The following PAX2 variants were observed in gnomAD, a reference collection of about 807,000 sequenced individuals.
The protein encoded by PAX2 is paired box 2.
PAX2 carries 9 observed loss-of-function variants against 41.7 expected under a neutral mutation model. The observed-to-expected ratio is 0.22, with a 90% CI of 0.13 to 0.38. PAX2 has a LOEUF of 0.38. Ranked by LOEUF, PAX2 falls within the 10% of genes least tolerant of loss-of-function variation. PAX2 has a pLI of 1.00. For synonymous variants in PAX2, 221 were observed against 212.7 expected, an observed-to-expected ratio of 1.04 and a Z score of -0.34; for missense variants, 418 against 531.6, an observed-to-expected ratio of 0.79 and a Z score of 2.10.
chr10:100,735,520 G>A (rs1325899238), exon 1 of PAX2: 1 of 304,890 alleles, frequency 3.3e-6, no homozygotes, highest in East Asian at 6.0e-5. Flanking sequence ...GGGAGTGAGA[G>A]AGCGGGCGCG....
chr10:100,829,630 G>A lies in PAX2; in HGVS notation c.*2011G>A, dbSNP rs1302273107. The A allele has an allele frequency of 4.9e-6, 1 of 205,360 alleles. No individual in the cohort carries two copies. The highest frequency in any genetic ancestry group is 7.1e-5 in the East Asian group (1 of 14,000). 12.7% of individuals were successfully genotyped at this position (205,360 alleles called of 1,614,324 possible). A position where few individuals can be genotyped will look rare whatever the true frequency, so the allele number is the denominator to read the frequency against. The stretch of plus-strand genomic sequence containing the variant: ...CCTCGCCCAGATCTCTCTCCCCTGC[G>A]AGCCCTTTTTATTTGAGAAGGAAAA... On this transcript the variant is annotated 3_prime_UTR_variant, in exon 10 of 10. Transcript: ENST00000355243.
At chr10:100,776,800 G>T (rs2133888479) in intron 3 of PAX2, among the ~76,000 whole-genome samples, 1 of 152,326 alleles carries the variant, frequency 6.6e-6, no homozygotes. Flanking sequence ...ACAAATCTGA[G>T]TTTGTAAAAC....
upstream of PAX2, among the ~76,000 whole-genome samples, chr10:100,743,620 G>A (rs1845042332): frequency 1.3e-5 from 2 of 152,238 alleles, no homozygotes; most frequent in Non-Finnish European, 2.9e-5. Flanking sequence ...AGCCAAGGCT[G>A]TGCTAGCTAA....
chr10:100,762,480 T>C (rs929131874), intron 3 of PAX2, among the ~76,000 whole-genome samples: 8 of 152,194 alleles, frequency 5.3e-5, no homozygotes, highest in Non-Finnish European at 1.0e-4. Context: ...TTTAGTGCCG[T>C]GATCCCTTGA....
Position 100,826,209 on chromosome 10 carries a change from A to G in PAX2, c.1022-800A>G, listed in dbSNP as rs1258428600. Among the ~76,000 whole-genome samples, 1 of 60,010 alleles carries G rather than the reference A, an allele frequency of 1.7e-5. No homozygotes were observed. Among genetic ancestry groups the G allele is most frequent in the African/African-American group, 6.3e-5 (1 of 15,956 alleles). 39.4% of individuals were successfully genotyped at this position (60,010 alleles called of 152,430 possible). ...AGGCTTTCCAGTGGCTGCATCCCCC[A>G]CCCCCACCCCAGCTCCCTCTCAGAG... is the stretch of plus-strand genomic sequence containing the variant. On this transcript the variant is annotated intron_variant, in intron 8 of 9. Transcript: ENST00000355243. The surrounding 1 kb of genome is among the most constrained non-coding windows in gnomAD (Gnocchi z 5.5).
At chr10:100,806,776 TAAGAC>T (rs1847799809) in intron 6 of PAX2, among the ~76,000 whole-genome samples, 171 bp downstream of exon 6, 1 of 152,198 alleles carries the variant, frequency 6.6e-6, no homozygotes, top group Non-Finnish European at 1.5e-5. Flanking sequence ...ATGGTATCGT[TAAGAC>T]AAATCATTAT....
intron 5 of PAX2, among the ~76,000 whole-genome samples, chr10:100,784,912 G>C (rs761184194): frequency 6.6e-6 from 1 of 152,176 alleles, no homozygotes; most frequent in Non-Finnish European, 1.5e-5. Context: ...TGCTGGTCAA[G>C]AGGCTTTGAC....
At chr10:100,779,963 CTCTT>C (rs1203182664) in intron 4 of PAX2, among the ~76,000 whole-genome samples, 2 of 152,022 alleles carry the variant, frequency 1.3e-5, no homozygotes, top group Non-Finnish European at 2.9e-5. Context: ...TACCTGTGCC[CTCTT>C]TCTTTTATAT....
At chr10:100,741,318 TG>T (rs1473830610), upstream of PAX2, among the ~76,000 whole-genome samples, 2 of 135,808 alleles carry the variant, frequency 1.5e-5, no homozygotes, top group East Asian at 2.1e-4. Context: ...GGGTCTTAGA[TG>T]AAAAAAAAAA....
intron 5 of PAX2, among the ~76,000 whole-genome samples, chr10:100,798,880 G>A (rs950358448): frequency 3.3e-5 from 5 of 152,230 alleles, no homozygotes; most frequent in Admixed American, 2.0e-4. Flanking sequence ...CTGTGCCGCC[G>A]TGGGGGTGGG....
intron 7 of PAX2, among the ~76,000 whole-genome samples, chr10:100,810,932 G>A (rs1847970892): frequency 6.6e-6 from 1 of 152,162 alleles, no homozygotes; most frequent in Non-Finnish European, 1.5e-5. Context: ...GGATCCAAGT[G>A]TGAGAAAAGT....
chr10:100,804,999 TTCTC>T (rs55900944), intron 5 of PAX2, among the ~76,000 whole-genome samples: 83 of 93,690 alleles, frequency 8.9e-4, no homozygotes, highest in East Asian at 6.0e-3. Context: ...CTCTCTCTCC[TTCTC>T]TCTCTCTCTC....
At chr10:100,752,652 T>G (rs937177970) in intron 3 of PAX2, among the ~76,000 whole-genome samples, 5 of 152,188 alleles carry the variant, frequency 3.3e-5, no homozygotes, top group Admixed American at 6.5e-5. Context: ...TAACAGAATT[T>G]TCAAGCCTTT....
intron 3 of PAX2, among the ~76,000 whole-genome samples, chr10:100,754,974 G>A (rs994323824): frequency 6.6e-5 from 10 of 152,298 alleles, no homozygotes; most frequent in African/African-American, 2.4e-4. Context: ...GCAGAAACAA[G>A]GACAGGGAAC....
Position 100,826,809 on chromosome 10 carries a change from C to G in PAX2, c.1022-200C>G, listed in dbSNP as rs1392833303. Among the ~76,000 whole-genome samples, 1 of 152,196 alleles carries G rather than the reference C, an allele frequency of 6.6e-6. No individual in the cohort carries two copies. The highest frequency in any genetic ancestry group is 2.4e-5 in the African/African-American group (1 of 41,466). ...TGGGTGTGCGAGCGCGTCGGTGCCT[C>G]CCGCCTCCCCGGGCTCTCTCCACGC... On this transcript the variant is annotated intron_variant, in intron 8 of 9. Transcript: ENST00000355243. The surrounding 1 kb of genome is among the most constrained non-coding windows in gnomAD (Gnocchi z 5.5).
chr10:100,826,588 C>T lies in PAX2; in HGVS notation c.1022-421C>T, dbSNP rs1269177895. Among the ~76,000 whole-genome samples, 1 of 152,214 alleles carries T rather than the reference C, an allele frequency of 6.6e-6. No homozygotes were observed. Among genetic ancestry groups the T allele is most frequent in the East Asian group, 1.9e-4 (1 of 5,186 alleles). ...TTCTGGGAGAAAAATGTCCCGAAGGCCTTTCTTCGCCACCGCCCCCCACTC... is the reference window on the plus strand; with the variant it reads ...TTCTGGGAGAAAAATGTCCCGAAGGTCTTTCTTCGCCACCGCCCCCCACTC... On this transcript the variant is annotated intron_variant, in intron 8 of 9. Transcript: ENST00000355243. The surrounding 1 kb of genome is among the most constrained non-coding windows in gnomAD (Gnocchi z 5.5).
chr10:100,750,230 A>G lies in PAX2; in HGVS notation c.212+316A>G, dbSNP rs1377260506. Among the ~76,000 whole-genome samples, 1 of 147,776 alleles carries G rather than the reference A, an allele frequency of 6.8e-6. No homozygotes were observed. The highest frequency in any genetic ancestry group is 6.6e-5 in the Admixed American group (1 of 15,204). ...AGGCAGATACGGGGTGGGAGACATT[A>G]GAGGAATGGGGGGGGAGTGAAAATG... On this transcript the variant is annotated intron_variant, in intron 2 of 9. Coordinates refer to ENST00000355243, the MANE Select transcript of PAX2 (RefSeq NM_000278.5). The surrounding 1 kb of genome is among the most constrained non-coding windows in gnomAD (Gnocchi z 4.1).
chr10:100,811,805 G>C (rs1847999718), intron 7 of PAX2, among the ~76,000 whole-genome samples: 1 of 152,190 alleles, frequency 6.6e-6, no homozygotes, highest in South Asian at 2.1e-4. Context: ...GGAGTGCCGA[G>C]GTGTTCAAGG....
At chr10:100,740,009 G>C (rs1422136292) in intron 1 of PAX2, among the ~76,000 whole-genome samples, 3 of 152,098 alleles carry the variant, frequency 2.0e-5, no homozygotes. Context: ...ACTCTCTAAG[G>C]TCCTCTTTCT....
Sources: allele counts gnomAD v4.1 joint callset (sites outside exome capture counted in the v4.1 genomes callset), GRCh38; gene constraint gnomAD v4.1.1; non-coding constraint Gnocchi (gnomAD v3.1); transcripts MANE v1.5; gene names NCBI Gene and HGNC (gene_info 2026-07-23, HGNC 2026-07-21).